SLC1A6: variants seen among roughly 807,000 people sequenced by gnomAD.
SLC1A6 encodes solute carrier family 1 member 6.
Under a neutral mutation model 42.1 loss-of-function variants are expected in SLC1A6, and 15 were observed. That is an observed-to-expected ratio of 0.36 (90% CI 0.24 to 0.55). The LOEUF is 0.55. SLC1A6 is among the 20% of genes least tolerant of loss of function. The pLI is 0.88. For missense variants in SLC1A6, 542 were observed against 772.5 expected (o/e 0.70, Z 3.54); for synonymous variants, 317 against 319.7 (o/e 0.99, Z 0.09).
intron 6 of SLC1A6, among the ~76,000 whole-genome samples, chr19:14,957,060 A>G (rs1187144035): frequency 6.6e-6 from 1 of 152,064 alleles, no homozygotes; most frequent in Non-Finnish European, 1.5e-5. Context: ...TTCCTTAGAC[A>G]TTGCCAAGAC....
intron 1 of SLC1A6, among the ~76,000 whole-genome samples, chr19:14,988,974 G>A (rs923617434): frequency 1.3e-5 from 2 of 152,140 alleles, no homozygotes; most frequent in African/African-American, 4.8e-5. Context: ...AGCCATGATC[G>A]TGCCACTGCA....
At chr19:15,004,907 C>A (rs546926587) in intron 1 of SLC1A6, among the ~76,000 whole-genome samples, 154 of 152,208 alleles carry the variant, frequency 1.0e-3, no homozygotes, top group African/African-American at 3.7e-3. Context: ...TCTGTTCAGA[C>A]ACACGCAGGT....
chr19:14,967,412 A>G lies in SLC1A6; in HGVS notation c.548+891T>C, dbSNP rs1187608636. Among the ~76,000 whole-genome samples the G allele has an allele frequency of 4.6e-5, 7 of 152,332 alleles. No homozygotes were observed. The East Asian group carries it at 1.4e-3, about 29-fold the overall frequency. The stretch of plus-strand genomic sequence containing the variant: ...CAGCTGAACAGACTCTCTTGTGGCC[A>G]AGTGGACCCCAGAACAACTTTAAAA... On this transcript the variant is annotated intron_variant, in intron 4 of 9. Coordinates refer to ENST00000594383, the MANE Select transcript of SLC1A6 (RefSeq NM_005071.3).
At chr19:14,967,615 G>A (rs1032683768) in intron 4 of SLC1A6, among the ~76,000 whole-genome samples, 1 of 152,198 alleles carries the variant, frequency 6.6e-6, no homozygotes, top group African/African-American at 2.4e-5. Context: ...AAATTATAAG[G>A]AGGATCTAAG....
At chr19:14,987,109 A>C (rs1308962094) in intron 1 of SLC1A6, among the ~76,000 whole-genome samples, 11 of 152,098 alleles carry the variant, frequency 7.2e-5, no homozygotes, top group Admixed American at 7.2e-4. Context: ...AGGCTGCCAC[A>C]CCTGGGGATT....
rs1277880787 is a variant in SLC1A6, at chr19:14,998,564, TAAAC to T, written c.6+11917_6+11920del. Among the ~76,000 whole-genome samples the T allele has an allele frequency of 5.3e-5, 8 of 151,796 alleles. No individual in the cohort carries two copies. In the South Asian group the frequency reaches 1.2e-3, roughly 24 times the overall value. On this transcript the variant is annotated intron_variant, in intron 1 of 8. Coordinates refer to the SLC1A6 transcript ENST00000430939. ...TCAAAAAACAAACAAAACAAAAAAA[TAAAC>T]AACAACAACAAAAAAAGCAGAGATC... is the stretch of plus-strand genomic sequence containing the variant.
upstream of SLC1A6, among the ~76,000 whole-genome samples, chr19:14,984,549 C>G (rs2045783929): frequency 6.6e-6 from 1 of 152,156 alleles, no homozygotes; most frequent in Non-Finnish European, 1.5e-5. Flanking sequence ...TGAGACGACA[C>G]CAAAATGCTA....
At chr19:14,973,128 G>A (rs1284034239) in intron 1 of SLC1A6, 3 of 555,000 alleles carry the variant, frequency 5.4e-6, no homozygotes, top group South Asian at 2.6e-5. Flanking sequence ...AGACTGGCCT[G>A]GGCAGCTAGG....
chr19:14,995,457 C>CA (rs1568300740), intron 1 of SLC1A6, among the ~76,000 whole-genome samples: 1 of 151,274 alleles, frequency 6.6e-6, no homozygotes, highest in Non-Finnish European at 1.5e-5. Flanking sequence ...AGATGTTGGT[C>CA]AAAGGATGCC....
In SLC1A6 at chr19:14,972,726, G is replaced by C; in HGVS notation, c.185C>G (p.Thr62Arg). ...FLRRNAFILL[T>R]VSAVVIGVSL... ...CTCACCAATGACCACGGCGCTGACC[G>C]TCAGCAGAATGAAGGCGTTTCGGCG... Residue 62 changes from threonine to arginine, a missense_variant, in exon 2 of 10, where the codon ACG (threonine) becomes AGG (arginine). Physicochemically the swap from Thr to Arg is moderately conservative, Grantham distance 71. Around this residue, in one of 6 missense-constraint regions of SLC1A6, gnomAD observed 88 missense variants for 85.5 expected, o/e 1.03. Coordinates refer to ENST00000594383, the MANE Select transcript of SLC1A6 (RefSeq NM_005071.3). 1 of 1,613,958 alleles carries C rather than the reference G, an allele frequency of 6.2e-7. No homozygotes were observed. The highest frequency in any genetic ancestry group is 8.5e-7 in the Non-Finnish European group (1 of 1,179,986).
upstream of SLC1A6, among the ~76,000 whole-genome samples, chr19:14,983,719 CAAAAAAAAAAA>C (rs56657572): frequency 1.9e-5 from 1 of 52,304 alleles, no homozygotes; most frequent in African/African-American, 7.4e-5. Context: ...ACAACAACAC[CAAAAAAAAAAA>C]AAAAAAAAAA....
chr19:14,980,678 G>T (rs1238483590), upstream of SLC1A6, among the ~76,000 whole-genome samples: 3 of 140,366 alleles, frequency 2.1e-5, no homozygotes, highest in Non-Finnish European at 4.6e-5. Context: ...AAAAGTCAGT[G>T]CACGTTCAAT....
At position 14,951,036 on chromosome 19, in the gene SLC1A6, C is replaced by T. The variant is rs145785248; in HGVS notation, c.1500-646G>A. ...GATCACAAGGTCAGGAGTTGGAGAC[C>T]GGCCTGACCAACATAGTGAAACCCT... On this transcript the variant is annotated intron_variant, in intron 9 of 9. Transcript: ENST00000594383. Among the ~76,000 whole-genome samples, 401 of 141,910 alleles carry T rather than the reference C, an allele frequency of 2.8e-3. 1 individual carries two copies. The highest frequency in any genetic ancestry group is 9.8e-3 in the African/African-American group (373 of 37,870). 93.1% of individuals were successfully genotyped at this position (141,910 alleles called of 152,430 possible). A position where few individuals can be genotyped will look rare whatever the true frequency, so the allele number is the denominator to read the frequency against.
chr19:14,962,879 G>A (rs1222834477), intron 5 of SLC1A6, among the ~76,000 whole-genome samples: 1 of 152,100 alleles, frequency 6.6e-6, no homozygotes. Context: ...CTCCAACCTG[G>A]CGACAGAGTG....
intron 1 of SLC1A6, among the ~76,000 whole-genome samples, chr19:14,991,323 C>T (rs2145232241): frequency 6.6e-6 from 1 of 152,106 alleles, no homozygotes; most frequent in Non-Finnish European, 1.5e-5. Flanking sequence ...GGGAATTGTA[C>T]TCTTTAAAAG....
rs1008012751 is a variant in SLC1A6 at position 14,998,611 on chromosome 19, A to T, written c.6+11874T>A. Among the ~76,000 whole-genome samples, 3 of 152,156 alleles carry T rather than the reference A, an allele frequency of 2.0e-5. No homozygotes were observed. The South Asian group carries it at 6.2e-4, about 31-fold the overall frequency. ...CAGAGATCTTAAGACTTTTTGTAGCAATAAGACACCAAATTCCAAATTACT... is the reference window on the plus strand; with the variant it reads ...CAGAGATCTTAAGACTTTTTGTAGCTATAAGACACCAAATTCCAAATTACT... On this transcript the variant is annotated intron_variant, in intron 1 of 8. Coordinates refer to the SLC1A6 transcript ENST00000430939.
At chr19:14,983,459 GAGGA>G (rs1371577941), upstream of SLC1A6, among the ~76,000 whole-genome samples, 6 of 151,998 alleles carry the variant, frequency 3.9e-5, no homozygotes, top group African/African-American at 1.2e-4. Context: ...GCCAAGACAG[GAGGA>G]TTACTTGAGC....
At chr19:14,966,548 A>C (rs185211772) in intron 4 of SLC1A6, among the ~76,000 whole-genome samples, 10 of 152,306 alleles carry the variant, frequency 6.6e-5, no homozygotes, top group South Asian at 2.1e-4. Context: ...TAATAAAAAT[A>C]AAAAATCAAA....
chr19:14,993,968 G>T (rs1482441331), intron 1 of SLC1A6, among the ~76,000 whole-genome samples: 1 of 152,116 alleles, frequency 6.6e-6, no homozygotes, highest in Non-Finnish European at 1.5e-5. Context: ...GGCGGGCTGT[G>T]AGCTGAGCAC....
Sources: gnomAD v4.1 joint callset for allele counts (sites outside exome capture counted in the v4.1 genomes callset) on GRCh38, gnomAD v4.1.1 for gene constraint, gnomAD v4.1.1 regional missense constraint, MANE v1.5 for transcripts, NCBI Gene and HGNC (gene_info 2026-07-23, HGNC 2026-07-21) for gene names.